Variants in SCAPER observed in about 807,000 individuals in gnomAD.
SCAPER encodes S phase cyclin A-associated protein in the endoplasmic reticulum.
Under a neutral mutation model 182.2 loss-of-function variants are expected in SCAPER, and 98 were observed. The ratio of observed to expected loss-of-function variants is 0.54; its 90% CI spans 0.46 to 0.64. The LOEUF (loss-of-function observed/expected upper bound fraction) is 0.64. SCAPER is among the 30% of genes least tolerant of loss of function. The probability of loss-of-function intolerance (pLI) is 0.00; values close to 1 mark genes in which losing one functional copy is unlikely to be tolerated. For synonymous variants in SCAPER, 605 were observed against 564.6 expected (o/e 1.07, Z -1.01); for missense variants, 1,432 against 1,690.0 (o/e 0.85, Z 2.68).
intron 22 of SCAPER, among the ~76,000 whole-genome samples, chr15:76,589,140 C>G (rs1006709202): frequency 2.0e-5 from 3 of 152,116 alleles, no homozygotes; most frequent in African/African-American, 7.2e-5. Context: ...GAAATGGACT[C>G]TGTGAGGGTC....
At chr15:76,367,495 C>T (rs1223287967) in intron 29 of SCAPER, among the ~76,000 whole-genome samples, 1 of 152,086 alleles carries the variant, frequency 6.6e-6, no homozygotes, top group African/African-American at 2.4e-5. Context: ...TTTGATACCC[C>T]AATAGAAGAT....
At chr15:76,413,680 G>C (rs1345496937) in intron 26 of SCAPER, among the ~76,000 whole-genome samples, 1 of 152,168 alleles carries the variant, frequency 6.6e-6, no homozygotes, top group Admixed American at 6.5e-5. Flanking sequence ...GGTTGAACAG[G>C]TCTATTTTTA....
chr15:76,804,423 T>C (rs1183654453), intron 6 of SCAPER, 110 bp downstream of exon 6: 4 of 644,952 alleles, frequency 6.2e-6, no homozygotes, highest in East Asian at 2.9e-5. Flanking sequence ...ACCTGACTTT[T>C]AGATTTTTAC....
At chr15:76,790,230 CAAA>C (rs34503482) in intron 8 of SCAPER, among the ~76,000 whole-genome samples, 3 of 140,502 alleles carry the variant, frequency 2.1e-5, no homozygotes, top group Non-Finnish European at 1.5e-5. Context: ...GACTCCATCT[CAAA>C]AAAAAAAAAA....
At chr15:76,837,839 C>T (rs1027157891) in intron 5 of SCAPER, among the ~76,000 whole-genome samples, 5 of 152,102 alleles carry the variant, frequency 3.3e-5, no homozygotes, top group Middle Eastern at 3.2e-3. Flanking sequence ...AAATGCAAAT[C>T]GAAACCACAC....
At chr15:76,788,442 A>C (rs915264207) in intron 8 of SCAPER, among the ~76,000 whole-genome samples, 1 of 152,232 alleles carries the variant, frequency 6.6e-6, no homozygotes, top group Non-Finnish European at 1.5e-5. Flanking sequence ...ATTATTATGA[A>C]AACAAAATAA....
intron 14 of SCAPER, among the ~76,000 whole-genome samples, chr15:76,755,926 C>T (rs1187777083): frequency 6.6e-6 from 1 of 152,088 alleles, no homozygotes; most frequent in Non-Finnish European, 1.5e-5. Context: ...ATCCTCCAGA[C>T]CCAGATGACT....
At chr15:76,524,705 T>G (rs2043068875) in intron 23 of SCAPER, among the ~76,000 whole-genome samples, 2 of 146,014 alleles carry the variant, frequency 1.4e-5, no homozygotes, top group Non-Finnish European at 3.0e-5. Flanking sequence ...TTTTTTTTTT[T>G]TTTTTTTTTT....
intron 22 of SCAPER, among the ~76,000 whole-genome samples, chr15:76,609,545 C>T (rs1461096773): frequency 6.6e-6 from 1 of 152,160 alleles, no homozygotes; most frequent in South Asian, 2.1e-4. Context: ...TCTGTCATTG[C>T]ATGTTGCCCA....
At chr15:76,854,518 A>G (rs2071124618) in intron 4 of SCAPER, among the ~76,000 whole-genome samples, 1 of 152,190 alleles carries the variant, frequency 6.6e-6, no homozygotes, top group Admixed American at 6.5e-5. Flanking sequence ...CAATATCATT[A>G]AAACAGCCAT....
chr15:76,459,078 G>T (rs966499875), intron 25 of SCAPER, among the ~76,000 whole-genome samples: 14 of 151,780 alleles, frequency 9.2e-5, no homozygotes, highest in Admixed American at 8.5e-4. Context: ...TTTATTTTTT[G>T]TAGAGATGGA....
intron 26 of SCAPER, among the ~76,000 whole-genome samples, chr15:76,423,556 T>C (rs1477797683): frequency 6.6e-6 from 1 of 152,182 alleles, no homozygotes; most frequent in Non-Finnish European, 1.5e-5. Flanking sequence ...TTTGTTGATC[T>C]TTTCAAAAAA....
At chr15:76,756,243 C>A (rs74634139) in intron 14 of SCAPER, among the ~76,000 whole-genome samples, 61 of 65,996 alleles carry the variant, frequency 9.2e-4, no homozygotes, top group East Asian at 3.8e-3. Context: ...GACTCCGTCT[C>A]AAAAAAAAAA....
chr15:76,878,641 G>T (rs2073338022), intron 2 of SCAPER, among the ~76,000 whole-genome samples: 1 of 152,030 alleles, frequency 6.6e-6, no homozygotes, highest in East Asian at 1.9e-4. Flanking sequence ...AAGACACTGA[G>T]TCAAAGCCAG....
At chr15:76,513,086 A>G (rs1597127741) in intron 23 of SCAPER, among the ~76,000 whole-genome samples, 1 of 151,376 alleles carries the variant, frequency 6.6e-6, no homozygotes, top group African/African-American at 2.4e-5. Context: ...TTCATCCATC[A>G]CCTCTGCCGT....
chr15:76,786,759 G>A lies in SCAPER; in HGVS notation c.772+8521C>T, dbSNP rs148403145. On this transcript the variant is annotated intron_variant, in intron 8 of 31. Transcript: ENST00000563290. ...AGATGACATAATAGAAAATCCCAGA[G>A]AATACACATAAAAACTCCAAGAATT... Among the ~76,000 whole-genome samples, 6 of 152,160 alleles carry A rather than the reference G, an allele frequency of 3.9e-5. 1 individual carries two copies. Among genetic ancestry groups the A allele is most frequent in the African/African-American group, 1.4e-4 (6 of 41,526 alleles).
chr15:76,747,112 A>C (rs1162944525), intron 15 of SCAPER, among the ~76,000 whole-genome samples: 1 of 152,230 alleles, frequency 6.6e-6, no homozygotes, highest in African/African-American at 2.4e-5. Flanking sequence ...TTCAAAGCTT[A>C]CTAAAAAGCT....
intron 3 of SCAPER, 133 bp downstream of exon 3, chr15:76,862,283 A>G: frequency 1.8e-6 from 1 of 544,442 alleles, no homozygotes; most frequent in Non-Finnish European, 3.2e-6. Flanking sequence ...AAAGCAACAA[A>G]AAAGTATTTC....
intron 20 of SCAPER, among the ~76,000 whole-genome samples, chr15:76,669,077 C>G (rs1042659300): frequency 6.6e-6 from 1 of 152,038 alleles, no homozygotes; most frequent in Non-Finnish European, 1.5e-5. Context: ...AGTGACAGAG[C>G]CTAAATTTAA....
Sources: gnomAD v4.1 joint callset for allele counts (sites outside exome capture counted in the v4.1 genomes callset) on GRCh38, gnomAD v4.1.1 for gene constraint, MANE v1.5 for transcripts, NCBI Gene and HGNC (gene_info 2026-07-23, HGNC 2026-07-21) for gene names.